The following CEP112 variants were observed in gnomAD, a reference collection of about 807,000 sequenced individuals.
The protein encoded by CEP112 is centrosomal protein of 112 kDa.
Under a neutral mutation model 153.0 loss-of-function variants are expected in CEP112, and 127 were observed. The ratio of observed to expected loss-of-function variants is 0.83; its 90% CI spans 0.72 to 0.96. CEP112 has a LOEUF of 0.96. Among genes scored for constraint, CEP112 ranks in the 40% least tolerant of loss-of-function variants. CEP112 has a pLI of 0.00. For synonymous variants in CEP112, 358 were observed against 374.4 expected (o/e 0.96, Z 0.51); for missense variants, 1,089 against 1,101.2 (o/e 0.99, Z 0.16).
Position 65,689,235 on chromosome 17 carries a change from T to C in CEP112, c.2608-17A>G, listed in dbSNP as rs760912541. 2 of 1,563,632 alleles carry C rather than the reference T, an allele frequency of 1.3e-6. No homozygotes were observed. Among genetic ancestry groups the C allele is most frequent in the African/African-American group, 1.4e-5 (1 of 73,832 alleles). On this transcript the variant is annotated splice_polypyrimidine_tract_variant and intron_variant, in intron 23 of 26. Coordinates refer to ENST00000535342, the MANE Select transcript of CEP112 (RefSeq NM_001199165.4). ...TTGTAAAACCTGAAACGGTATAAAA[T>C]AAAGATATCATTAATAATTAGCACA...
chr17:65,952,964 T>G (rs984051645), intron 18 of CEP112, among the ~76,000 whole-genome samples: 3 of 152,214 alleles, frequency 2.0e-5, no homozygotes, highest in African/African-American at 7.2e-5. Flanking sequence ...TTAATTGGAT[T>G]GTCTTTTTAT....
At chr17:66,031,986 C>T (rs778230867) in intron 12 of CEP112, among the ~76,000 whole-genome samples, 12 of 152,080 alleles carry the variant, frequency 7.9e-5, no homozygotes, top group Admixed American at 5.2e-4. Flanking sequence ...GGGCACCACA[C>T]CAGCAGTTTT....
At chr17:65,645,334 GT>G in intron 24 of CEP112, among the ~76,000 whole-genome samples, 1 of 152,232 alleles carries the variant, frequency 6.6e-6, no homozygotes, top group South Asian at 2.1e-4. Context: ...CTCCTGAGTA[GT>G]TGGAATTACG....
intron 4 of CEP112, 68 bp downstream of exon 4, chr17:66,174,976 T>C: frequency 9.4e-7 from 1 of 1,067,044 alleles, no homozygotes; most frequent in Non-Finnish European, 1.3e-6. Flanking sequence ...AAAAACAGAA[T>C]GTATAAATCA....
chr17:65,769,418 A>C (rs370465907), intron 21 of CEP112, among the ~76,000 whole-genome samples: 296 of 147,664 alleles, frequency 2.0e-3, no homozygotes, highest in African/African-American at 6.8e-3. Flanking sequence ...AGAAAAAAAA[A>C]CCTAAAATTC....
chr17:66,098,228 A>C lies in CEP112; in HGVS notation c.643-1596T>G, dbSNP rs187800284. ...GTCCATAAATCTTCAATCATCCAGT[A>C]GTGCTGCAGCCTCTCTGAACCTATT... On this transcript the variant is annotated intron_variant, in intron 6 of 26. Transcript: ENST00000535342. Among the ~76,000 whole-genome samples, 344 of 152,354 alleles carry C rather than the reference A, an allele frequency of 2.3e-3. 3 individuals carry two copies. The highest frequency in any genetic ancestry group is 8.0e-3 in the African/African-American group (334 of 41,576).
intron 23 of CEP112, among the ~76,000 whole-genome samples, chr17:65,696,818 GAA>G (rs1567877518): frequency 6.6e-6 from 1 of 151,726 alleles, no homozygotes; most frequent in Non-Finnish European, 1.5e-5. Flanking sequence ...ATTGAAAAAA[GAA>G]AAAAAGTCCC....
intron 23 of CEP112, among the ~76,000 whole-genome samples, chr17:65,713,985 A>T (rs1048020592): frequency 6.6e-6 from 1 of 152,040 alleles, no homozygotes; most frequent in South Asian, 2.1e-4. Flanking sequence ...TTCATCTGTC[A>T]ATTGGATTTT....
Position 66,175,123 on chromosome 17 carries a change from C to T in CEP112, c.391G>A (p.Glu131Lys). ...TTCCATGATTCATTTAATTTGTGTT[C>T]ACTTGTCTCCAGCTCACCCAGTACC... ...AWVLGELETS[E>K]HKLNESWKLS... The change falls in exon 4 of 27, where the codon GAA (glutamate) becomes AAA (lysine). Residue 131 changes from glutamate (E) to lysine (K), a missense_variant. By Grantham distance (56) the Glu-to-Lys change is moderately conservative. Transcript: ENST00000535342. The T allele has an allele frequency of 4.3e-6, 7 of 1,613,502 alleles. No individual in the cohort carries two copies. The highest frequency in any genetic ancestry group is 5.1e-6 in the Non-Finnish European group (6 of 1,179,684).
intron 24 of CEP112, among the ~76,000 whole-genome samples, chr17:65,662,913 A>G (rs1226080829): frequency 6.6e-6 from 1 of 152,186 alleles, no homozygotes; most frequent in Non-Finnish European, 1.5e-5. Flanking sequence ...ATTTCCAACC[A>G]TAAGAGGCTC....
chr17:66,070,254 T>G (rs1273164565), intron 8 of CEP112, among the ~76,000 whole-genome samples: 7 of 152,142 alleles, frequency 4.6e-5, no homozygotes, highest in Non-Finnish European at 7.4e-5. Flanking sequence ...GAAGTACAGA[T>G]TCACTACTCT....
At chr17:66,174,956 A>T (rs991407640) in intron 4 of CEP112, 88 bp downstream of exon 4, 18 of 880,262 alleles carry the variant, frequency 2.0e-5, no homozygotes, top group African/African-American at 1.0e-4. Flanking sequence ...CTTCCATTAT[A>T]AAAAAAAGGA....
chr17:66,022,314 CATA>C (rs764733170), intron 16 of CEP112, among the ~76,000 whole-genome samples: 3 of 152,014 alleles, frequency 2.0e-5, no homozygotes, highest in African/African-American at 4.8e-5. Context: ...AATAAATCAC[CATA>C]ATAATACCAG....
chr17:66,058,078 G>T (rs2066770225), intron 11 of CEP112, among the ~76,000 whole-genome samples: 1 of 133,240 alleles, frequency 7.5e-6, no homozygotes, highest in African/African-American at 2.6e-5. Context: ...AGGTGACAGG[G>T]CAAGACTCTA....
chr17:65,757,936 A>T (rs1476866130), intron 21 of CEP112, among the ~76,000 whole-genome samples: 4 of 152,128 alleles, frequency 2.6e-5, no homozygotes, highest in African/African-American at 9.7e-5. Flanking sequence ...TAGAAACACA[A>T]TTTTTAAACA....
At chr17:65,960,116 T>C (rs746824278) in intron 18 of CEP112, among the ~76,000 whole-genome samples, 1 of 152,056 alleles carries the variant, frequency 6.6e-6, no homozygotes, top group Non-Finnish European at 1.5e-5. Flanking sequence ...ATAACTATAG[T>C]GTAAAATAAT....
chr17:65,840,453 T>C (rs1004807569), intron 21 of CEP112, among the ~76,000 whole-genome samples: 14 of 151,958 alleles, frequency 9.2e-5, no homozygotes, highest in Non-Finnish European at 2.1e-4. Context: ...ATACCCATAT[T>C]TAGAAGAATG....
chr17:65,792,566 A>G (rs8073209), intron 21 of CEP112, among the ~76,000 whole-genome samples: 148,215 of 151,964 alleles, frequency 0.98, 72,325 homozygotes, highest in East Asian at 1. Flanking sequence ...TACATCATAC[A>G]GGAAGCTAAA....
chr17:65,665,666 G>A (rs1436109382), intron 24 of CEP112, among the ~76,000 whole-genome samples: 1 of 152,110 alleles, frequency 6.6e-6, no homozygotes, highest in Non-Finnish European at 1.5e-5. Context: ...AGAATAATTG[G>A]CTTTTGGTCA....
Sources: gnomAD v4.1 joint callset for allele counts (sites outside exome capture counted in the v4.1 genomes callset) on GRCh38, gnomAD v4.1.1 for gene constraint, MANE v1.5 for transcripts, NCBI Gene and HGNC (gene_info 2026-07-23, HGNC 2026-07-21) for gene names.